AP2B1: variants seen among roughly 807,000 people sequenced by gnomAD.
AP2B1 encodes the protein adaptor related protein complex 2 subunit beta 1.
A neutral mutation model predicts 102.0 loss-of-function variants in AP2B1; 23 were observed. That is an observed-to-expected ratio of 0.23 (90% CI 0.16 to 0.32). The LOEUF (loss-of-function observed/expected upper bound fraction) is 0.32. AP2B1 is among the 10% of genes least tolerant of loss of function. The probability of loss-of-function intolerance (pLI) is 1.00; values close to 1 mark genes in which losing one functional copy is unlikely to be tolerated. For missense variants in AP2B1, 541 were observed against 1,157.4 expected, an observed-to-expected ratio of 0.47 and a Z score of 7.73; for synonymous variants, 381 against 421.2, an observed-to-expected ratio of 0.90 and a Z score of 1.17.
In AP2B1 at chr17:35,599,233, C is replaced by T. The variant is rs1252286867; in HGVS notation, c.143+898C>T. The stretch of plus-strand genomic sequence containing the variant: ...AACCCTTGTGCAGTTGTTTGAACTG[C>T]AAACACCATTTTTATGTGAAAGAAT... On this transcript the variant is annotated intron_variant, in intron 3 of 21. Transcript: ENST00000610402. Among the ~76,000 whole-genome samples, 4 of 152,194 alleles carry T rather than the reference C, an allele frequency of 2.6e-5. No homozygotes were observed. The East Asian group carries it at 7.7e-4, about 29-fold the overall frequency.
chr17:35,592,773 C>T (rs161182), intron 1 of AP2B1, among the ~76,000 whole-genome samples: 72,950 of 151,924 alleles, frequency 0.48, 17,584 homozygotes, highest in East Asian at 0.52. Flanking sequence ...GAACTCCTGA[C>T]CTCAAGTGAT....
At chr17:35,670,169 A>G (rs1018285855) in intron 14 of AP2B1, among the ~76,000 whole-genome samples, 1 of 152,246 alleles carries the variant, frequency 6.6e-6, no homozygotes, top group African/African-American at 2.4e-5. Flanking sequence ...ATGATCTCCA[A>G]ATAAATCCAC....
intron 21 of AP2B1, among the ~76,000 whole-genome samples, chr17:35,720,565 A>ATTTTTTTTTTTTTT (rs1568063471): frequency 1.9e-5 from 1 of 52,400 alleles, no homozygotes; most frequent in Non-Finnish European, 3.9e-5. Flanking sequence ...ATATATATAT[A>ATTTTTTTTTTTTTT]TATATATATT....
chr17:35,688,576 G>A (rs1257891193), intron 18 of AP2B1, among the ~76,000 whole-genome samples: 3 of 152,038 alleles, frequency 2.0e-5, no homozygotes, highest in Non-Finnish European at 4.4e-5. Context: ...TTTCTTATCA[G>A]ACGTCTTGCT....
chr17:35,595,197 C>G (rs1416919110), intron 2 of AP2B1, among the ~76,000 whole-genome samples: 1 of 152,138 alleles, frequency 6.6e-6, no homozygotes, highest in African/African-American at 2.4e-5. Flanking sequence ...TGGGTCTCAA[C>G]CTCAGCCTGA....
At chr17:35,718,313 T>A (rs1357380325) in intron 21 of AP2B1, among the ~76,000 whole-genome samples, 1 of 19,032 alleles carries the variant, frequency 5.3e-5, no homozygotes, top group African/African-American at 2.3e-4. Context: ...TTGGAGTAGC[T>A]GTGTGTGTGT....
At chr17:35,614,372 G>T (rs962097795) in intron 5 of AP2B1, among the ~76,000 whole-genome samples, 1 of 151,810 alleles carries the variant, frequency 6.6e-6, no homozygotes, top group African/African-American at 2.4e-5. Context: ...TTTATTTTTT[G>T]TAGAGATGGA....
Position 35,674,282 on chromosome 17 carries a change from A to G in AP2B1, c.2285A>G (p.Gln762Arg). Residue 762 changes from glutamine to arginine, a missense_variant, in exon 17 of 22, where the codon CAG becomes CGG. Physicochemically the swap from Gln to Arg is conservative, Grantham distance 43 (BLOSUM62 1). This residue lies in a region of AP2B1 where 62 missense variants were observed against 87.6 expected (regional missense o/e 0.71). Transcript: ENST00000610402. The stretch of plus-strand genomic sequence containing the variant: ...ATGAACTTCACCAATAAAGCTCTGC[A>G]GCACATGACAGATTTTGCAATCCAG... Reference protein sequence around the residue: ...MEMNFTNKALQHMTDFAIQFN... With the variant: ...MEMNFTNKALRHMTDFAIQFN... 1 of 1,614,224 alleles carries G rather than the reference A, an allele frequency of 6.2e-7. No individual in the cohort carries two copies. The highest frequency in any genetic ancestry group is 8.5e-7 in the Non-Finnish European group (1 of 1,180,040).
intron 5 of AP2B1, among the ~76,000 whole-genome samples, chr17:35,616,980 T>TA (rs1266920179): frequency 6.6e-6 from 1 of 152,192 alleles, no homozygotes; most frequent in East Asian, 1.9e-4. Flanking sequence ...TTGTGAATAT[T>TA]AAAGGACAGA....
At chr17:35,652,704 A>G (rs1413883684) in intron 13 of AP2B1, among the ~76,000 whole-genome samples, 1 of 152,202 alleles carries the variant, frequency 6.6e-6, no homozygotes, top group Non-Finnish European at 1.5e-5. Context: ...TAGAATCTAT[A>G]GGATCATTTA....
intron 5 of AP2B1, among the ~76,000 whole-genome samples, chr17:35,611,197 A>G (rs1247216569): frequency 1.3e-5 from 2 of 152,246 alleles, no homozygotes; most frequent in Non-Finnish European, 2.9e-5. Context: ...GCAACTATCT[A>G]TAATTCTCTA....
intron 1 of AP2B1, among the ~76,000 whole-genome samples, chr17:35,590,135 A>G (rs1385222392): frequency 1.3e-5 from 2 of 152,104 alleles, no homozygotes; most frequent in East Asian, 1.9e-4. Context: ...CGTGTTAGCC[A>G]GGATGGTCTC....
intron 12 of AP2B1, among the ~76,000 whole-genome samples, chr17:35,649,207 A>G (rs891319589): frequency 4.6e-5 from 7 of 152,200 alleles, no homozygotes; most frequent in African/African-American, 1.7e-4. Flanking sequence ...AGGTATGGGT[A>G]CAATATATGG....
At chr17:35,691,031 CATT>C (rs2142998218) in intron 18 of AP2B1, among the ~76,000 whole-genome samples, 1 of 152,140 alleles carries the variant, frequency 6.6e-6, no homozygotes, top group East Asian at 1.9e-4. Flanking sequence ...CTCACATAAA[CATT>C]GTCGAATAAG....
At position 35,616,142 on chromosome 17, in the gene AP2B1, C is replaced by CTTTTTTTTT. The variant is rs71152739; in HGVS notation, c.525+7786_525+7794dup. ...TGAACTTAGGTTTTAAAAAATATCT[C>CTTTTTTTTT]TTTTTTTTTTTTTTTTTTTTTTTTT... On this transcript the variant is annotated intron_variant, in intron 5 of 21. Transcript: ENST00000610402. Among the ~76,000 whole-genome samples the CTTTTTTTTT allele has an allele frequency of 1.2e-4, 7 of 57,438 alleles. 1 individual carries two copies. The highest frequency in any genetic ancestry group is 3.0e-4 in the Admixed American group (1 of 3,294). The allele number at this position is 57,438 out of a possible 152,430, so 37.7% of individuals were successfully genotyped here.
At chr17:35,628,368 A>T (rs991559942) in intron 9 of AP2B1, among the ~76,000 whole-genome samples, 1 of 152,156 alleles carries the variant, frequency 6.6e-6, no homozygotes, top group African/African-American at 2.4e-5. Context: ...TTGGGAGGCC[A>T]AGGTGAGAGG....
chr17:35,674,582 G>A (rs957009654), intron 17 of AP2B1, among the ~76,000 whole-genome samples: 5 of 152,192 alleles, frequency 3.3e-5, no homozygotes, highest in African/African-American at 2.4e-5. Flanking sequence ...GCAGGTACCT[G>A]TAATCCCAGC....
intron 18 of AP2B1, among the ~76,000 whole-genome samples, chr17:35,705,065 AG>A (rs756641216): frequency 2.0e-5 from 3 of 152,172 alleles, no homozygotes; most frequent in Non-Finnish European, 4.4e-5. Context: ...CATATAAAAA[AG>A]GTACAAAGCT....
At chr17:35,700,335 A>G in intron 18 of AP2B1, among the ~76,000 whole-genome samples, 1 of 152,022 alleles carries the variant, frequency 6.6e-6, no homozygotes, top group East Asian at 1.9e-4. Flanking sequence ...ACACATCTGA[A>G]TCATCATTCC....
Sources: allele counts gnomAD v4.1 joint callset (sites outside exome capture counted in the v4.1 genomes callset), GRCh38; gene constraint gnomAD v4.1.1; regional missense constraint gnomAD v4.1.1; transcripts MANE v1.5; gene names NCBI Gene and HGNC (gene_info 2026-07-23, HGNC 2026-07-21).